Variants in NKAIN2 observed in about 807,000 individuals in gnomAD.
The protein encoded by NKAIN2 is sodium/potassium transporting ATPase interacting 2, also known as sodium/potassium-transporting ATPase subunit beta-1-interacting protein 2.
In NKAIN2, 14 loss-of-function variants were observed where a neutral mutation model predicts 32.6. The observed-to-expected ratio is 0.43, with a 90% CI of 0.28 to 0.67. NKAIN2 has a LOEUF of 0.67. Ranked by LOEUF, NKAIN2 falls within the 30% of genes least tolerant of loss-of-function variation. The pLI is 0.17. For synonymous variants in NKAIN2, 80 were observed against 87.2 expected (o/e 0.92, Z 0.46); for missense variants, 198 against 258.3 (o/e 0.77, Z 1.60).
At chr6:123,978,966 A>G (rs1275818814) in intron 1 of NKAIN2, among the ~76,000 whole-genome samples, 1 of 152,164 alleles carries the variant, frequency 6.6e-6, no homozygotes, top group Non-Finnish European at 1.5e-5. Context: ...AGATCATTGC[A>G]TTTAAGAAAG....
Position 124,463,143 on chromosome 6 carries a change from T to G in NKAIN2, c.273+107796T>G, listed in dbSNP as rs530576987. On this transcript the variant is annotated intron_variant, in intron 3 of 6. Coordinates refer to ENST00000368417, the MANE Select transcript of NKAIN2 (RefSeq NM_001040214.3). ...AGATAAAGCTGAGATTTACGTGAATTAAAAAACTAAGTGTGTGTGTGTATG... is the reference window on the plus strand; with the variant it reads ...AGATAAAGCTGAGATTTACGTGAATGAAAAAACTAAGTGTGTGTGTGTATG... 2.0e-5 allele frequency among the ~76,000 whole-genome samples: 3 copies of G among 152,158 alleles called. No homozygotes were observed. The East Asian group carries it at 5.8e-4, about 29-fold the overall frequency.
chr6:123,895,287 T>A (rs951851061), intron 1 of NKAIN2, among the ~76,000 whole-genome samples: 3 of 151,992 alleles, frequency 2.0e-5, no homozygotes, highest in Non-Finnish European at 4.4e-5. Flanking sequence ...TGTGGTTCTC[T>A]TTGCCCATAG....
intron 3 of NKAIN2, among the ~76,000 whole-genome samples, chr6:124,607,662 A>T (rs1782547625): frequency 6.6e-6 from 1 of 152,082 alleles, no homozygotes; most frequent in Admixed American, 6.6e-5. Flanking sequence ...CGTTATACAC[A>T]CACACAAACA....
At chr6:123,869,316 C>T (rs1326040528) in intron 1 of NKAIN2, among the ~76,000 whole-genome samples, 2 of 152,224 alleles carry the variant, frequency 1.3e-5, no homozygotes, top group South Asian at 2.1e-4. Context: ...TGGTCATTAG[C>T]TCTTTTACAG....
chr6:124,594,003 C>T (rs1781998573), intron 3 of NKAIN2, among the ~76,000 whole-genome samples: 1 of 152,164 alleles, frequency 6.6e-6, no homozygotes, highest in Non-Finnish European at 1.5e-5. Flanking sequence ...CTGATATGAA[C>T]TCTTTTATTT....
chr6:124,547,106 A>G (rs1254202431), intron 3 of NKAIN2, among the ~76,000 whole-genome samples: 2 of 152,170 alleles, frequency 1.3e-5, no homozygotes, highest in African/African-American at 2.4e-5. Context: ...TCCTTTGGAC[A>G]CATATTAAAC....
At chr6:123,822,239 T>G (rs1773955661) in intron 1 of NKAIN2, among the ~76,000 whole-genome samples, 1 of 152,226 alleles carries the variant, frequency 6.6e-6, no homozygotes, top group Admixed American at 6.5e-5. Flanking sequence ...TGACAACTAA[T>G]TTTTTATGCC....
chr6:124,330,717 G>T (rs968141920), intron 2 of NKAIN2, among the ~76,000 whole-genome samples: 1 of 152,132 alleles, frequency 6.6e-6, no homozygotes, highest in African/African-American at 2.4e-5. Context: ...CCCAACCCCG[G>T]GGCTATGGAC....
intron 1 of NKAIN2, among the ~76,000 whole-genome samples, chr6:124,240,019 G>T (rs1792996772): frequency 6.6e-6 from 1 of 151,990 alleles, no homozygotes; most frequent in Non-Finnish European, 1.5e-5. Flanking sequence ...AAGAAGAAAA[G>T]AAAGAAGAAT....
intron 1 of NKAIN2, among the ~76,000 whole-genome samples, chr6:123,916,785 GTATC>G (rs1161282084): frequency 1.5e-4 from 22 of 148,714 alleles, no homozygotes; most frequent in Admixed American, 5.4e-4. Flanking sequence ...ATGTATCTAT[GTATC>G]TATCTATGTA....
At position 124,724,206 on chromosome 6, in the gene NKAIN2, G is replaced by A. The variant is rs1024427945; in HGVS notation, c.474+65820G>A. ...AGAGGTTTAAATACTAAGCCCCTAC[G>A]TTGCTTTTAAAATATAATGAGTAAT... On this transcript the variant is annotated intron_variant, in intron 4 of 6. Coordinates refer to ENST00000368417, the MANE Select transcript of NKAIN2 (RefSeq NM_001040214.3). Among the ~76,000 whole-genome samples, 7 of 151,822 alleles carry A rather than the reference G, an allele frequency of 4.6e-5. No homozygotes were observed. In the East Asian group the frequency reaches 9.7e-4, roughly 21 times the overall value.
chr6:123,994,569 A>G (rs1022871736), intron 1 of NKAIN2, among the ~76,000 whole-genome samples: 3 of 152,240 alleles, frequency 2.0e-5, no homozygotes, highest in African/African-American at 7.2e-5. Flanking sequence ...TTCAAGTGAG[A>G]AAAGCATAAT....
intron 1 of NKAIN2, among the ~76,000 whole-genome samples, chr6:123,863,154 A>G (rs958769365): frequency 3.9e-5 from 6 of 152,210 alleles, no homozygotes; most frequent in Admixed American, 2.6e-4. Context: ...AGCCCTGTGG[A>G]GGCAGAGGGG....
intron 3 of NKAIN2, among the ~76,000 whole-genome samples, chr6:124,486,268 A>G (rs1777645900): frequency 6.6e-6 from 1 of 152,216 alleles, no homozygotes. Flanking sequence ...GGATTTCAGA[A>G]GAACCCATTT....
chr6:124,588,792 C>T (rs1181971656), intron 3 of NKAIN2, among the ~76,000 whole-genome samples: 2 of 151,996 alleles, frequency 1.3e-5, no homozygotes, highest in African/African-American at 2.4e-5. Flanking sequence ...CCTCAGGGAC[C>T]ATAGAGAGAT....
intron 1 of NKAIN2, among the ~76,000 whole-genome samples, chr6:124,265,428 G>C (rs1165213271): frequency 6.6e-6 from 1 of 151,996 alleles, no homozygotes; most frequent in Non-Finnish European, 1.5e-5. Flanking sequence ...AGGACACATA[G>C]CACATACCAT....
chr6:124,181,980 G>A (rs1462895619), intron 1 of NKAIN2, among the ~76,000 whole-genome samples: 1 of 152,126 alleles, frequency 6.6e-6, no homozygotes, highest in Non-Finnish European at 1.5e-5. Context: ...CCAATTTACT[G>A]TATTAGTCTG....
At chr6:124,363,392 AG>A (rs1460495569) in intron 3 of NKAIN2, among the ~76,000 whole-genome samples, 2 of 152,142 alleles carry the variant, frequency 1.3e-5, no homozygotes, top group African/African-American at 4.8e-5. Flanking sequence ...CAGGAGGCTA[AG>A]TATTCAGGCT....
At chr6:124,030,696 C>T (rs1240764209) in intron 1 of NKAIN2, among the ~76,000 whole-genome samples, 1 of 152,162 alleles carries the variant, frequency 6.6e-6, no homozygotes, top group Admixed American at 6.5e-5. Context: ...GATGACTTCA[C>T]AATTACATAG....
Sources: gnomAD v4.1 joint callset for allele counts (sites outside exome capture counted in the v4.1 genomes callset) on GRCh38, gnomAD v4.1.1 for gene constraint, MANE v1.5 for transcripts, NCBI Gene and HGNC (gene_info 2026-07-23, HGNC 2026-07-21) for gene names.